The following FBLN7 variants were observed in gnomAD, a reference collection of about 807,000 sequenced individuals.
The protein encoded by FBLN7 is fibulin 7, also known as fibulin-7.
A neutral mutation model predicts 44.0 loss-of-function variants in FBLN7; 31 were observed. The ratio of observed to expected loss-of-function variants is 0.70; its 90% CI spans 0.53 to 0.95. The LOEUF is 0.95. Ranked by LOEUF, FBLN7 falls within the 40% of genes least tolerant of loss-of-function variation. FBLN7 has a pLI of 0.00. For missense variants in FBLN7, 573 were observed against 618.5 expected (o/e 0.93, Z 0.78); for synonymous variants, 262 against 253.4 (o/e 1.03, Z -0.32).
At chr2:112,160,684 A>G (rs1381669054) in intron 2 of FBLN7, among the ~76,000 whole-genome samples, 3 of 142,348 alleles carry the variant, frequency 2.1e-5, no homozygotes, top group Non-Finnish European at 3.1e-5. Context: ...ACGCAGACGC[A>G]CGCACACGCA....
At chr2:112,197,306 G>C in the FBLN7 span, among the ~76,000 whole-genome samples, 2 of 142,308 alleles carry the variant, frequency 1.4e-5, no homozygotes, top group Non-Finnish European at 3.1e-5. Context: ...GAGAGAGAGA[G>C]ACAGAGAGAG....
chr2:112,183,561 C>T (rs1683107389), intron 6 of FBLN7, among the ~76,000 whole-genome samples: 2 of 152,206 alleles, frequency 1.3e-5, no homozygotes, highest in South Asian at 4.1e-4. Context: ...ATCAGAACCA[C>T]ATCCAGGCAG....
rs1558879745 is a variant in FBLN7 at position 112,160,712 on chromosome 2, AC to A, written c.235+878del. Among the ~76,000 whole-genome samples the A allele has an allele frequency of 2.4e-4, 36 of 147,324 alleles. 1 individual carries two copies. Among genetic ancestry groups the A allele is most frequent in the African/African-American group, 3.8e-4 (15 of 39,578 alleles). On this transcript the variant is annotated intron_variant, in intron 2 of 7. Transcript: ENST00000331203. ...CACACGCACACACGCACGCACACAC[AC>A]AAGCACGCGCACACGCACGCACACG...
At chr2:112,197,281 A>C in the FBLN7 span, among the ~76,000 whole-genome samples, 1 of 90,050 alleles carries the variant, frequency 1.1e-5, no homozygotes, top group Admixed American at 1.1e-4. Flanking sequence ...ACACAGAGAG[A>C]GAGAGAGAGA....
chr2:112,145,313 T>G (rs1189365054), intron 1 of FBLN7, among the ~76,000 whole-genome samples: 2 of 152,184 alleles, frequency 1.3e-5, no homozygotes, highest in Non-Finnish European at 2.9e-5. Context: ...TTTCTTTTTA[T>G]TTTTTTGAGA....
chr2:112,216,897 G>C, the FBLN7 span, among the ~76,000 whole-genome samples: 1 of 152,034 alleles, frequency 6.6e-6, no homozygotes, highest in Non-Finnish European at 1.5e-5. Flanking sequence ...ACACATTATA[G>C]AGAAAGAAAC....
At chr2:112,210,283 G>A in the FBLN7 span, among the ~76,000 whole-genome samples, 1 of 152,112 alleles carries the variant, frequency 6.6e-6, no homozygotes, top group African/African-American at 2.4e-5. Flanking sequence ...GATGGAGATC[G>A]TAATCAATTA....
chr2:112,236,253 C>CA, the FBLN7 span, among the ~76,000 whole-genome samples: 2 of 151,746 alleles, frequency 1.3e-5, no homozygotes, highest in Admixed American at 1.3e-4. Flanking sequence ...GACTCTGTCT[C>CA]AAAAAAATAT....
At chr2:112,179,788 A>T (rs1325602650) in intron 4 of FBLN7, among the ~76,000 whole-genome samples, 1 of 152,262 alleles carries the variant, frequency 6.6e-6, no homozygotes, top group Non-Finnish European at 1.5e-5. Flanking sequence ...GGCTAGCCAT[A>T]TGCAGAAGAC....
intron 5 of FBLN7, among the ~76,000 whole-genome samples, chr2:112,182,491 C>T (rs1683050822): frequency 6.6e-6 from 1 of 152,230 alleles, no homozygotes; most frequent in Non-Finnish European, 1.5e-5. Context: ...TTGCCAGCCT[C>T]TGCAGGGTCT....
At chr2:112,222,643 CTG>C in the FBLN7 span, among the ~76,000 whole-genome samples, 4 of 152,056 alleles carry the variant, frequency 2.6e-5, no homozygotes, top group Admixed American at 1.3e-4. Flanking sequence ...AAAGGACAAA[CTG>C]TATGATTTCA....
intron 4 of FBLN7, among the ~76,000 whole-genome samples, chr2:112,180,922 CAAAAAA>C (rs60214148): frequency 4.0e-5 from 3 of 74,314 alleles, no homozygotes; most frequent in African/African-American, 1.6e-4. Flanking sequence ...GACTCTGTCT[CAAAAAA>C]AAAAAAAAAA....
intron 3 of FBLN7, among the ~76,000 whole-genome samples, chr2:112,166,081 C>T (rs988928366): frequency 5.3e-5 from 8 of 152,192 alleles, no homozygotes; most frequent in African/African-American, 1.4e-4. Flanking sequence ...GACGGAGTCT[C>T]GCTCCGTTGC....
At chr2:112,202,003 G>T in the FBLN7 span, among the ~76,000 whole-genome samples, 1 of 152,206 alleles carries the variant, frequency 6.6e-6, no homozygotes. Context: ...AAATATACCT[G>T]CCAAGCAACA....
downstream of FBLN7, chr2:112,188,890 C>G (rs1683389143): frequency 6.6e-6 from 1 of 152,220 alleles, no homozygotes; most frequent in African/African-American, 2.4e-5. Context: ...ACTAAAGTTA[C>G]AAGACTTCAT....
the FBLN7 span, chr2:112,236,549 T>A: frequency 1.2e-6 from 2 of 1,610,740 alleles, no homozygotes; most frequent in South Asian, 2.2e-5. Flanking sequence ...CCTAGAAGCA[T>A]ATATTCCAAT....
At chr2:112,167,869 C>CGTTATGTTATGTTATTTATGTTATGTTAT (rs60665286) in intron 3 of FBLN7, among the ~76,000 whole-genome samples, 12,851 of 132,786 alleles carry the variant, frequency 0.097, 898 homozygotes, top group Middle Eastern at 0.14. Flanking sequence ...AGGAAAGACA[C>CGTTATGTTATGTTATTTATGTTATGTTAT]GTTATGTTAT....
At chr2:112,237,259 AG>A in the FBLN7 span, among the ~76,000 whole-genome samples, 1 of 152,336 alleles carries the variant, frequency 6.6e-6, no homozygotes, top group Middle Eastern at 3.4e-3. Context: ...TCAAGAAAAA[AG>A]CAAGATAATA....
intron 1 of FBLN7, among the ~76,000 whole-genome samples, chr2:112,147,790 C>T (rs574159849): frequency 2.0e-5 from 3 of 152,184 alleles, no homozygotes; most frequent in Non-Finnish European, 4.4e-5. Context: ...CTCATTATTG[C>T]TGGACTTGTC....
Sources: gnomAD v4.1 joint callset for allele counts (sites outside exome capture counted in the v4.1 genomes callset) on GRCh38, gnomAD v4.1.1 for gene constraint, MANE v1.5 for transcripts, NCBI Gene and HGNC (gene_info 2026-07-23, HGNC 2026-07-21) for gene names.